PAQR5: variants seen among roughly 807,000 people sequenced by gnomAD.
PAQR5 encodes the protein membrane progestin receptor gamma.
Under a neutral mutation model 34.5 loss-of-function variants are expected in PAQR5, and 20 were observed. That is an observed-to-expected ratio of 0.58 (90% CI 0.41 to 0.84). The LOEUF is 0.84. Ranked by LOEUF, PAQR5 falls within the 40% of genes least tolerant of loss-of-function variation. PAQR5 has a pLI of 0.00. For missense variants in PAQR5, 378 were observed against 412.7 expected, an observed-to-expected ratio of 0.92 and a Z score of 0.73; for synonymous variants, 131 against 155.6, an observed-to-expected ratio of 0.84 and a Z score of 1.18.
At chr15:69,326,626 G>A (rs893963204) in intron 1 of PAQR5, among the ~76,000 whole-genome samples, 13 of 152,194 alleles carry the variant, frequency 8.5e-5, no homozygotes, top group African/African-American at 7.2e-5. Context: ...TAGTAGAGAC[G>A]GGGTTTTGCC....
At position 69,384,863 on chromosome 15, in the gene PAQR5, C is replaced by T. The variant is rs755847774; in HGVS notation, c.366C>T (p.Ala122=). ...RHICYFLDYG[A]VNLFSLGSAI... ...TTTGCTACTTCCTGGACTATGGTGC[C>T]GTCAACCTCTTCAGCCTGGGTATGT... The change falls in exon 5 of 9, where the codon GCC becomes GCT. Residue 122 remains alanine (A), a synonymous_variant. Transcript: ENST00000395407. The T allele has an allele frequency of 8.1e-6, 13 of 1,613,874 alleles. No homozygotes were observed. The highest frequency in any genetic ancestry group is 4.4e-5 in the South Asian group (4 of 91,060).
chr15:69,396,473 T>G (rs2056437199), intron 6 of PAQR5, among the ~76,000 whole-genome samples: 1 of 152,118 alleles, frequency 6.6e-6, no homozygotes, highest in Non-Finnish European at 1.5e-5. Flanking sequence ...CCTCAGCGTG[T>G]GGCTGTGCAT....
rs73426033 is a variant in PAQR5, at chr15:69,406,066, T to C, written c.*2244T>C. The C allele has an allele frequency of 4.6e-5, 7 of 152,306 alleles. No individual in the cohort carries two copies. Among genetic ancestry groups the C allele is most frequent in the East Asian group, 1.9e-4 (1 of 5,188 alleles). The allele number at this position is 152,306 out of a possible 1,614,324, so 9.4% of individuals were successfully genotyped here. A position where few individuals can be genotyped will look rare whatever the true frequency, so the allele number is the denominator to read the frequency against. ...ATTTCATCCAAGCCATCTCAGAAAG[T>C]CTAAAAGGTTGGCAGGGGGTCAGCT... is the stretch of plus-strand genomic sequence containing the variant. On this transcript the variant is annotated 3_prime_UTR_variant, in exon 9 of 9. Coordinates refer to ENST00000395407, the MANE Select transcript of PAQR5 (RefSeq NM_017705.4).
intron 1 of PAQR5, among the ~76,000 whole-genome samples, chr15:69,324,220 C>A (rs2054196206): frequency 6.6e-6 from 1 of 152,090 alleles, no homozygotes. Context: ...CCCCTGCCAT[C>A]CTCACACAGG....
intron 1 of PAQR5, among the ~76,000 whole-genome samples, chr15:69,318,217 T>G (rs940017039): frequency 6.6e-6 from 1 of 152,174 alleles, no homozygotes; most frequent in Non-Finnish European, 1.5e-5. Flanking sequence ...TGGAGGCTGA[T>G]GAAGTGGGGC....
chr15:69,372,494 G>A (rs1289389245), intron 3 of PAQR5, among the ~76,000 whole-genome samples: 2 of 152,212 alleles, frequency 1.3e-5, no homozygotes, highest in Non-Finnish European at 2.9e-5. Context: ...AGTGAGCCAA[G>A]ATCGTGCCAC....
intron 2 of PAQR5, among the ~76,000 whole-genome samples, chr15:69,340,654 G>T (rs1257795015): frequency 6.6e-6 from 1 of 152,152 alleles, no homozygotes; most frequent in Admixed American, 6.5e-5. Context: ...TTCAGGCATT[G>T]GCATGGCGGG....
intron 3 of PAQR5, among the ~76,000 whole-genome samples, chr15:69,370,920 G>T (rs1445516556): frequency 2.0e-5 from 3 of 152,092 alleles, no homozygotes; most frequent in Non-Finnish European, 4.4e-5. Context: ...AATTATTATC[G>T]CACATGTCTA....
At chr15:69,349,449 GGA>G in intron 2 of PAQR5, among the ~76,000 whole-genome samples, 1 of 152,170 alleles carries the variant, frequency 6.6e-6, no homozygotes, top group East Asian at 1.9e-4. Context: ...GGGATAATGT[GGA>G]AGGAACATCA....
Position 69,404,106 on chromosome 15 carries a change from T to A in PAQR5, c.*284T>A, listed in dbSNP as rs1221552677. The A allele has an allele frequency of 2.9e-6, 1 of 339,998 alleles. No individual in the cohort carries two copies. Among genetic ancestry groups the A allele is most frequent in the Non-Finnish European group, 5.4e-6 (1 of 185,040 alleles). The allele number at this position is 339,998 out of a possible 1,614,324, so 21.1% of individuals were successfully genotyped here. On this transcript the variant is annotated 3_prime_UTR_variant, in exon 9 of 9. Coordinates refer to ENST00000395407, the MANE Select transcript of PAQR5 (RefSeq NM_017705.4). ...TTTAAATTTACTTAAAATGTGGTTT[T>A]AAATTCTATTTAAACATTTGGATTA... is the stretch of plus-strand genomic sequence containing the variant.
chr15:69,404,001 G>A lies in PAQR5; in HGVS notation c.*179G>A. On this transcript the variant is annotated 3_prime_UTR_variant, in exon 9 of 9. Transcript: ENST00000395407. ...GGGGAAATTTCTCTAAATGTACACT[G>A]ATTCTGTGTGTGTGATTTTAAAAGG... is the stretch of plus-strand genomic sequence containing the variant. 1.6e-6 allele frequency: 1 copy of A among 625,312 alleles called. No individual in the cohort carries two copies. Among genetic ancestry groups the A allele is most frequent in the Non-Finnish European group, 2.7e-6 (1 of 370,192 alleles). The allele number at this position is 625,312 out of a possible 1,614,324, so 38.7% of individuals were successfully genotyped here. A position where few individuals can be genotyped will look rare whatever the true frequency, so the allele number is the denominator to read the frequency against.
intron 1 of PAQR5, among the ~76,000 whole-genome samples, chr15:69,319,331 G>A (rs988629580): frequency 2.6e-5 from 4 of 151,128 alleles, no homozygotes; most frequent in Admixed American, 6.6e-5. Flanking sequence ...CCATGGATAA[G>A]GGGGACTGCT....
At chr15:69,307,411 T>G (rs982057645) in intron 1 of PAQR5, among the ~76,000 whole-genome samples, 1 of 152,132 alleles carries the variant, frequency 6.6e-6, no homozygotes, top group African/African-American at 2.4e-5. Context: ...AAGACGTGTT[T>G]GAATTAGGTT....
intron 3 of PAQR5, among the ~76,000 whole-genome samples, chr15:69,363,454 G>GC (rs2140856501): frequency 6.7e-6 from 1 of 149,044 alleles, no homozygotes; most frequent in South Asian, 2.1e-4. Flanking sequence ...GAGAGGCCTA[G>GC]AAAAAAGACA....
intron 2 of PAQR5, among the ~76,000 whole-genome samples, chr15:69,358,548 A>G (rs1186739368): frequency 1.3e-5 from 2 of 151,542 alleles, no homozygotes; most frequent in Middle Eastern, 3.2e-3. Context: ...CGGCCTTGGG[A>G]AAGTTATTCC....
chr15:69,329,064 C>T (rs182483743), intron 1 of PAQR5, among the ~76,000 whole-genome samples: 14 of 152,384 alleles, frequency 9.2e-5, no homozygotes, highest in Non-Finnish European at 1.8e-4. Flanking sequence ...TCCGTCTGGA[C>T]GCCAGGTTAC....
At chr15:69,327,855 C>T (rs906461204) in intron 1 of PAQR5, among the ~76,000 whole-genome samples, 5 of 152,110 alleles carry the variant, frequency 3.3e-5, no homozygotes, top group Non-Finnish European at 5.9e-5. Flanking sequence ...CTCAGACTCC[C>T]AGGGCCCTCA....
chr15:69,382,698 A>ATGTATG (rs2055928660), intron 4 of PAQR5, among the ~76,000 whole-genome samples: 5 of 83,958 alleles, frequency 6.0e-5, no homozygotes, highest in African/African-American at 2.2e-4. Context: ...ATATATATAT[A>ATGTATG]TATATATGTA....
intron 1 of PAQR5, among the ~76,000 whole-genome samples, chr15:69,336,055 A>G (rs1014454199): frequency 6.6e-6 from 1 of 152,200 alleles, no homozygotes; most frequent in Non-Finnish European, 1.5e-5. Flanking sequence ...GAGAGAAAGG[A>G]GACAGATTCA....
Sources: allele counts gnomAD v4.1 joint callset (sites outside exome capture counted in the v4.1 genomes callset), GRCh38; gene constraint gnomAD v4.1.1; transcripts MANE v1.5; gene names NCBI Gene and HGNC (gene_info 2026-07-23, HGNC 2026-07-21).